Variants in INSR observed in about 807,000 individuals in gnomAD.
INSR encodes IR.
A neutral mutation model predicts 142.6 loss-of-function variants in INSR; 67 were observed. That is an observed-to-expected ratio of 0.47 (90% CI 0.39 to 0.58). The LOEUF (loss-of-function observed/expected upper bound fraction) is 0.58, where lower values mean the gene tolerates loss of function less well. INSR is among the 20% of genes least tolerant of loss of function. INSR has a pLI of 0.00. For synonymous variants in INSR, 756 were observed against 743.1 expected, an observed-to-expected ratio of 1.02 and a Z score of -0.28; for missense variants, 1,248 against 1,833.2, an observed-to-expected ratio of 0.68 and a Z score of 5.83.
intron 9 of INSR, among the ~76,000 whole-genome samples, chr19:7,157,302 A>T (rs1246474622): frequency 1.4e-5 from 2 of 140,706 alleles, no homozygotes; most frequent in Non-Finnish European, 3.0e-5. Flanking sequence ...TTTATTAGAG[A>T]CGGGGTTTTG....
chr19:7,220,377 G>A (rs900060387), intron 2 of INSR, among the ~76,000 whole-genome samples: 11 of 152,210 alleles, frequency 7.2e-5, no homozygotes, highest in Admixed American at 4.6e-4. Context: ...TGCAACCTCC[G>A]CCTCCCGGGT....
At chr19:7,179,126 G>A (rs894180653) in intron 3 of INSR, among the ~76,000 whole-genome samples, 11 of 152,164 alleles carry the variant, frequency 7.2e-5, no homozygotes, top group African/African-American at 2.7e-4. Flanking sequence ...TGTCCAGGCT[G>A]GTCTCGAACC....
chr19:7,275,420 A>AT (rs1001536120), intron 1 of INSR, among the ~76,000 whole-genome samples: 43 of 152,074 alleles, frequency 2.8e-4, no homozygotes, highest in African/African-American at 4.8e-4. Flanking sequence ...CTGAGTACTA[A>AT]TTTTTTTTAC....
At chr19:7,130,359 C>T (rs1429522375) in intron 14 of INSR, among the ~76,000 whole-genome samples, 1 of 152,134 alleles carries the variant, frequency 6.6e-6, no homozygotes, top group Non-Finnish European at 1.5e-5. Context: ...AGACACTGAC[C>T]ACACATGGAC....
intron 2 of INSR, among the ~76,000 whole-genome samples, chr19:7,187,543 A>G (rs1219361477): frequency 6.6e-6 from 1 of 152,106 alleles, no homozygotes; most frequent in East Asian, 1.9e-4. Flanking sequence ...TACTTGTGAT[A>G]TTTTGTCATA....
At position 7,120,767 on chromosome 19, in the gene INSR, T is replaced by C. The variant is rs1191545821; in HGVS notation, c.3530-18A>G. Reference sequence around the variant, plus strand: ...TCCAAAGTCTGACAACACAAAAGGTTCACACGCTCTTAACCTTCAGCCTTG... The same window carrying C: ...TCCAAAGTCTGACAACACAAAAGGTCCACACGCTCTTAACCTTCAGCCTTG... On this transcript the variant is annotated intron_variant, in intron 19 of 21. Coordinates refer to ENST00000302850, the MANE Select transcript of INSR (RefSeq NM_000208.4). 6.2e-7 allele frequency: 1 copy of C among 1,612,950 alleles called. No homozygotes were observed. Among genetic ancestry groups the C allele is most frequent in the Non-Finnish European group, 8.5e-7 (1 of 1,179,538 alleles).
chr19:7,154,135 T>G (rs986840867), intron 9 of INSR, among the ~76,000 whole-genome samples: 1 of 151,814 alleles, frequency 6.6e-6, no homozygotes, highest in Non-Finnish European at 1.5e-5. Flanking sequence ...CACTCCAGCC[T>G]GGGTGACAGA....
chr19:7,242,734 C>CAAAAAAAAAA (rs71177186), intron 2 of INSR, among the ~76,000 whole-genome samples: 1 of 92,154 alleles, frequency 1.1e-5, no homozygotes, highest in Non-Finnish European at 1.9e-5. Flanking sequence ...GAGACTGCCT[C>CAAAAAAAAAA]AAAAAAAAAA....
intron 1 of INSR, among the ~76,000 whole-genome samples, chr19:7,291,204 G>C (rs926802930): frequency 3.9e-5 from 6 of 152,172 alleles, no homozygotes; most frequent in African/African-American, 1.2e-4. Flanking sequence ...CCAATCGTGG[G>C]GGGTACGGAG....
At position 7,271,535 on chromosome 19, in the gene INSR, A is replaced by G. The variant is rs565641193; in HGVS notation, c.101-3639T>C. Among the ~76,000 whole-genome samples the G allele has an allele frequency of 9.2e-5, 14 of 152,178 alleles. No individual in the cohort carries two copies. The South Asian group carries it at 2.9e-3, about 32-fold the overall frequency. On this transcript the variant is annotated intron_variant, in intron 1 of 21. Transcript: ENST00000302850. ...TGTAGAGAAACTGGTATCCTTTTGC[A>G]TTCCTGATGGGGATGTAAAACAGTG...
At chr19:7,180,675 G>C (rs778289465) in intron 3 of INSR, among the ~76,000 whole-genome samples, 3 of 152,070 alleles carry the variant, frequency 2.0e-5, no homozygotes, top group South Asian at 2.1e-4. Context: ...TCTAGATGAC[G>C]AGGGGAAAAA....
chr19:7,248,165 A>G (rs1600088879), intron 2 of INSR, among the ~76,000 whole-genome samples: 2 of 150,380 alleles, frequency 1.3e-5, no homozygotes, highest in African/African-American at 2.4e-5. Context: ...TTATTTTTGG[A>G]GACAGGGTCT....
intron 10 of INSR, among the ~76,000 whole-genome samples, chr19:7,151,157 T>TC (rs1973334877): frequency 1.4e-4 from 1 of 7,146 alleles, no homozygotes; most frequent in Non-Finnish European, 8.7e-4. Context: ...TTCCTTTCTT[T>TC]CTTTCTCTTT....
rs537862799 is a variant in INSR, at chr19:7,220,486, G to T, written c.653-35849C>A. Among the ~76,000 whole-genome samples, 5 of 151,938 alleles carry T rather than the reference G, an allele frequency of 3.3e-5. No homozygotes were observed. The East Asian group carries it at 9.7e-4, about 29-fold the overall frequency. On this transcript the variant is annotated intron_variant, in intron 2 of 21. Transcript: ENST00000302850. ...GTATTTTAAGTAGAGACGGGGTTTCGCCATGTTGGCCAGGCTGGTCTCGAA... is the reference window on the plus strand; with the variant it reads ...GTATTTTAAGTAGAGACGGGGTTTCTCCATGTTGGCCAGGCTGGTCTCGAA...
chr19:7,293,700 C>A, intron 1 of INSR, 92 bp downstream of exon 1: 1 of 1,083,456 alleles, frequency 9.2e-7, no homozygotes. Context: ...GGGGAGGGTT[C>A]TCAGTCCACA....
At chr19:7,212,116 C>G (rs1975294122) in intron 2 of INSR, among the ~76,000 whole-genome samples, 1 of 143,802 alleles carries the variant, frequency 7.0e-6, no homozygotes, top group Non-Finnish European at 1.5e-5. Flanking sequence ...CACTCCATGT[C>G]AGGAGCATCT....
At chr19:7,199,539 A>T (rs917300428) in intron 2 of INSR, among the ~76,000 whole-genome samples, 1 of 143,324 alleles carries the variant, frequency 7.0e-6, no homozygotes, top group Non-Finnish European at 1.5e-5. Flanking sequence ...CTAGGACTAC[A>T]GGAGAGTGCC....
rs1369345847 is a variant in INSR, at chr19:7,216,314, ACT to A, written c.653-31679_653-31678del. On this transcript the variant is annotated intron_variant, in intron 2 of 21. Coordinates refer to ENST00000302850, the MANE Select transcript of INSR (RefSeq NM_000208.4). This position sits in a 1 kb window ranked among gnomAD's most constrained non-coding sequence, Gnocchi z 4.2. Reference sequence around the variant, plus strand: ...ACTCCAGCCTGGGCAAGAGAGCAAGACTCTGTCTCAAAGACAAAAAGAAGATG... The same window carrying A: ...ACTCCAGCCTGGGCAAGAGAGCAAGACTGTCTCAAAGACAAAAAGAAGATG... Among the ~76,000 whole-genome samples the A allele has an allele frequency of 1.3e-5, 2 of 152,174 alleles. No homozygotes were observed. Among genetic ancestry groups the A allele is most frequent in the African/African-American group, 4.8e-5 (2 of 41,442 alleles).
intron 3 of INSR, among the ~76,000 whole-genome samples, chr19:7,176,676 C>T (rs904561979): frequency 5.3e-5 from 8 of 152,142 alleles, no homozygotes; most frequent in African/African-American, 1.7e-4. Flanking sequence ...TGCCTACCTC[C>T]CCTTTGCTTT....
Sources: allele counts gnomAD v4.1 joint callset (sites outside exome capture counted in the v4.1 genomes callset), GRCh38; gene constraint gnomAD v4.1.1; non-coding constraint Gnocchi (gnomAD v3.1); transcripts MANE v1.5; gene names NCBI Gene and HGNC (gene_info 2026-07-23, HGNC 2026-07-21).